Variants in ZNF563 observed in about 807,000 individuals in gnomAD.
ZNF563 encodes the protein zinc finger protein 563.
Under a neutral mutation model 48.5 loss-of-function variants are expected in ZNF563, and 39 were observed. The observed-to-expected ratio is 0.80, with a 90% confidence interval of 0.62 to 1.05. ZNF563 has a LOEUF of 1.05. Among genes scored for constraint, ZNF563 ranks in the 50% least tolerant of loss-of-function variants. ZNF563 has a pLI of 0.00. For synonymous variants in ZNF563, 168 were observed against 187.9 expected (o/e 0.89, Z 0.87); for missense variants, 538 against 597.0 (o/e 0.90, Z 1.03).
In ZNF563 at chr19:12,319,183, T is replaced by TA; in HGVS notation, c.841dup (p.Tyr281LeufsTer4). 6.2e-7 allele frequency: 1 copy of TA among 1,614,208 alleles called. No individual in the cohort carries two copies. Among genetic ancestry groups the TA allele is most frequent in the South Asian group, 1.1e-5 (1 of 91,088 alleles). ...GGCTTTCCCACACTGTTTACATGTATATGGTTTCTCTCCAGTGTGAGTTCT... is the reference window on the plus strand; with the variant it reads ...GGCTTTCCCACACTGTTTACATGTATAATGGTTTCTCTCCAGTGTGAGTTCT... On this transcript the variant is annotated frameshift_variant, in exon 4 of 4. Transcript: ENST00000293725. LOFTEE classifies it high-confidence loss of function.
chr19:12,345,862 A>T, the ZNF563 span: 1 of 152,078 alleles, frequency 6.6e-6, no homozygotes, highest in Non-Finnish European at 1.5e-5. Flanking sequence ...AGGTTGCAGT[A>T]AGTCAAGATC....
the ZNF563 span, among the ~76,000 whole-genome samples, chr19:12,343,075 TA>T: frequency 6.6e-6 from 1 of 151,668 alleles, no homozygotes; most frequent in African/African-American, 2.4e-5. Context: ...CAAGCACCTG[TA>T]ATCCCAGCTA....
rs1340605147 is a variant in ZNF563, at chr19:12,318,698, G to T, written c.1327C>A (p.His443Asn). Residue 443 changes from histidine to asparagine, a missense_variant, in exon 4 of 4, where the codon CAT becomes AAT. Physicochemically the swap from His to Asn is moderately conservative, Grantham distance 68. Transcript: ENST00000293725. The stretch of plus-strand genomic sequence containing the variant: ...CATTTATTCGGCCCATCTCCCGTAT[G>T]CATTACCATATGTCTTCGAAAGCTT... Reference protein sequence around the residue: ...SSSFRRHMVMHTGDGPNKCKV... With the variant: ...SSSFRRHMVMNTGDGPNKCKV... 1.2e-6 allele frequency: 2 copies of T among 1,614,064 alleles called. No individual in the cohort carries two copies. Among genetic ancestry groups the T allele is most frequent in the Non-Finnish European group, 1.7e-6 (2 of 1,180,044 alleles).
At position 12,319,369 on chromosome 19, in the gene ZNF563, T is replaced by C; in HGVS notation, c.656A>G (p.His219Arg). The C allele has an allele frequency of 6.2e-7, 1 of 1,614,206 alleles. No homozygotes were observed. The highest frequency in any genetic ancestry group is 1.1e-5 in the South Asian group (1 of 91,080). ...ACATTCATACGGTTTCTCTCCAGTG[T>C]GAGTTCTTTCATGCATACGTAATAA... is the stretch of plus-strand genomic sequence containing the variant. ...PSLLRMHERT[H>R]TGEKPYECKQ... The change falls in exon 4 of 4, where the codon CAC (histidine) becomes CGC (arginine). Residue 219 changes from histidine to arginine, a missense_variant. Transcript: ENST00000293725.
At chr19:12,340,180 A>G in the ZNF563 span, among the ~76,000 whole-genome samples, 6 of 152,168 alleles carry the variant, frequency 3.9e-5, no homozygotes, top group African/African-American at 1.4e-4. Context: ...CAGAAAATAC[A>G]AAAATTAGCC....
chr19:12,331,328 C>T (rs1052341211), intron 1 of ZNF563, among the ~76,000 whole-genome samples: 24 of 152,068 alleles, frequency 1.6e-4, no homozygotes, highest in African/African-American at 5.6e-4. Context: ...TCCCCCACCC[C>T]CGTGCTGCTC....
At chr19:12,341,424 G>A in the ZNF563 span, among the ~76,000 whole-genome samples, 1 of 152,186 alleles carries the variant, frequency 6.6e-6, no homozygotes, top group Non-Finnish European at 1.5e-5. Context: ...GCAGAGATAA[G>A]CAGAATGGGT....
Position 12,318,008 on chromosome 19 carries a change from ACT to A in ZNF563, c.*584_*585del, listed in dbSNP as rs1491378955. The A allele has an allele frequency of 6.5e-6, 1 of 152,970 alleles. No individual in the cohort carries two copies. Among genetic ancestry groups the A allele is most frequent in the Non-Finnish European group, 1.4e-5 (1 of 69,672 alleles). 9.5% of individuals were successfully genotyped at this position (152,970 alleles called of 1,614,324 possible). ...CTCTCCAGAGTGAATCCTTTCATGT[ACT>A]TTTTTTTTTTTTTTGAGACAGGGTC... On this transcript the variant is annotated 3_prime_UTR_variant, in exon 4 of 4. Coordinates refer to ENST00000293725, the MANE Select transcript of ZNF563 (RefSeq NM_145276.3).
chr19:12,344,782 G>A, the ZNF563 span, among the ~76,000 whole-genome samples: 32 of 152,224 alleles, frequency 2.1e-4, no homozygotes, highest in East Asian at 1.9e-3. Flanking sequence ...AATTATCTGT[G>A]TTTACAGATT....
At chr19:12,320,247 G>C (rs1200810727) in intron 3 of ZNF563, among the ~76,000 whole-genome samples, 1 of 151,930 alleles carries the variant, frequency 6.6e-6, no homozygotes, top group Non-Finnish European at 1.5e-5. Flanking sequence ...ACCATGCAAA[G>C]TGTAGGCTTC....
Position 12,319,518 on chromosome 19 carries a change from A to C in ZNF563, c.507T>G (p.Tyr169Ter), listed in dbSNP as rs771574605. 6.2e-7 allele frequency: 1 copy of C among 1,614,204 alleles called. No individual in the cohort carries two copies. The highest frequency in any genetic ancestry group is 1.3e-5 in the African/African-American group (1 of 75,052). The part of the protein sequence containing the change: ...RGRPHTGKKR[Y>*]ECKECGKTFS... ...AGGTTTTTCCACATTCCTTACACTC[A>C]TAGCGTTTCTTTCCAGTGTGAGGCC... Residue 169 changes from tyrosine (Y) to a stop codon, truncating the protein, a stop_gained, in exon 4 of 4, where the codon TAT (tyrosine) becomes TAG (stop). Transcript: ENST00000293725. LOFTEE classifies it high-confidence loss of function.
the ZNF563 span, among the ~76,000 whole-genome samples, chr19:12,343,527 T>C: frequency 6.6e-6 from 1 of 151,972 alleles, no homozygotes; most frequent in Non-Finnish European, 1.5e-5. Flanking sequence ...AGAGCAGAGA[T>C]AAATCAAAAG....
At chr19:12,332,753 T>A (rs1968954629) in intron 1 of ZNF563, among the ~76,000 whole-genome samples, 1 of 152,204 alleles carries the variant, frequency 6.6e-6, no homozygotes, top group Admixed American at 6.5e-5. Context: ...CTTGGCACTA[T>A]CAATCAGCCC....
At chr19:12,329,364 T>C (rs1393645897) in intron 1 of ZNF563, among the ~76,000 whole-genome samples, 1 of 151,298 alleles carries the variant, frequency 6.6e-6, no homozygotes, top group Non-Finnish European at 1.5e-5. Flanking sequence ...TCCCAGCTAC[T>C]TGGGAGCCTG....
In ZNF563 at chr19:12,319,570, T is replaced by C. The variant is rs1164785740; in HGVS notation, c.455A>G (p.Tyr152Cys). The C allele has an allele frequency of 6.2e-7, 1 of 1,614,212 alleles. No homozygotes were observed. The highest frequency in any genetic ancestry group is 2.2e-5 in the East Asian group (1 of 44,876). The change falls in exon 4 of 4, where the codon TAC (tyrosine) becomes TGC (cysteine). Residue 152 changes from tyrosine to cysteine, a missense_variant. Physicochemically the swap from Tyr to Cys is radical, Grantham distance 194. Coordinates refer to ENST00000293725, the MANE Select transcript of ZNF563 (RefSeq NM_145276.3). The part of the protein sequence containing the change: ...THKQRGKAFS[Y>C]HHSFQSRGRP... ...TCCACGCGACTGAAAGGAGTGATGG[T>C]AACTGAAGGCTTTCCCACGTTGTTT... is the stretch of plus-strand genomic sequence containing the variant.
upstream of ZNF563, chr19:12,333,641 G>C (rs1295349405): frequency 1.8e-6 from 2 of 1,125,478 alleles, no homozygotes; most frequent in Admixed American, 2.9e-5. Context: ...ACTGAGTCTA[G>C]AGCTGAGCGC....
intron 3 of ZNF563, 107 bp from the exon 4 acceptor site, chr19:12,319,940 G>A (rs566500605): frequency 3.8e-6 from 4 of 1,061,066 alleles, no homozygotes; most frequent in South Asian, 3.3e-5. Context: ...TCCCTGAGAT[G>A]GAGTCTTGCT....
chr19:12,341,536 A>G, the ZNF563 span, among the ~76,000 whole-genome samples: 2 of 152,246 alleles, frequency 1.3e-5, no homozygotes, highest in African/African-American at 4.8e-5. Flanking sequence ...TATTCCATGC[A>G]AATAGTAATC....
At chr19:12,341,464 A>C in the ZNF563 span, among the ~76,000 whole-genome samples, 1,173 of 152,346 alleles carry the variant, frequency 7.7e-3, 16 homozygotes, top group African/African-American at 0.027. Flanking sequence ...TATTCTGCCT[A>C]CTAGAAACTC....
Sources: gnomAD v4.1 joint callset for allele counts (sites outside exome capture counted in the v4.1 genomes callset) on GRCh38, gnomAD v4.1.1 for gene constraint, MANE v1.5 for transcripts, NCBI Gene and HGNC (gene_info 2026-07-23, HGNC 2026-07-21) for gene names.